GRM7: variants seen among roughly 807,000 people sequenced by gnomAD.
The protein encoded by GRM7 is metabotropic glutamate receptor 7.
A neutral mutation model predicts 84.5 loss-of-function variants in GRM7; 35 were observed. The ratio of observed to expected loss-of-function variants is 0.41; its 90% CI spans 0.32 to 0.55. The LOEUF is 0.55. GRM7 is among the 20% of genes least tolerant of loss of function. The pLI, the probability that GRM7 is intolerant of heterozygous loss-of-function variation, is 0.19. For synonymous variants in GRM7, 487 were observed against 455.1 expected (o/e 1.07, Z -0.89); for missense variants, 1,003 against 1,194.6 (o/e 0.84, Z 2.36).
chr3:7,312,364 G>C (rs1404238092), intron 4 of GRM7, among the ~76,000 whole-genome samples: 1 of 152,054 alleles, frequency 6.6e-6, no homozygotes, highest in Admixed American at 6.6e-5. Context: ...CAGAAGAAGA[G>C]AGCAGTTCCT....
At chr3:7,131,160 A>G (rs1249374916) in intron 1 of GRM7, among the ~76,000 whole-genome samples, 2 of 152,178 alleles carry the variant, frequency 1.3e-5, no homozygotes, top group African/African-American at 2.4e-5. Context: ...TTCTTCCACC[A>G]AGATCTGTGA....
intron 2 of GRM7, among the ~76,000 whole-genome samples, chr3:7,157,048 G>A (rs1347030763): frequency 1.3e-5 from 2 of 152,130 alleles, no homozygotes; most frequent in Non-Finnish European, 2.9e-5. Context: ...TGGACTGGAT[G>A]GGAAAAGAGG....
intron 4 of GRM7, among the ~76,000 whole-genome samples, chr3:7,326,089 A>C (rs1032443330): frequency 1.5e-5 from 2 of 133,298 alleles, no homozygotes; most frequent in Non-Finnish European, 3.1e-5. Flanking sequence ...GATTCTTGGC[A>C]AAGTGAAAAG....
intron 1 of GRM7, among the ~76,000 whole-genome samples, chr3:6,936,760 C>T (rs1490368574): frequency 6.6e-6 from 1 of 152,160 alleles, no homozygotes; most frequent in Non-Finnish European, 1.5e-5. Context: ...TTAATGGCAG[C>T]CTAGTAATCC....
chr3:7,191,049 A>G (rs1243036038), intron 2 of GRM7, among the ~76,000 whole-genome samples: 2 of 152,202 alleles, frequency 1.3e-5, no homozygotes, highest in African/African-American at 4.8e-5. Context: ...ACAGGGGACA[A>G]TAATATCAAT....
chr3:7,245,549 A>G (rs935678652), intron 2 of GRM7, among the ~76,000 whole-genome samples: 5 of 152,076 alleles, frequency 3.3e-5, no homozygotes, highest in African/African-American at 1.2e-4. Flanking sequence ...AAGTAAAAGT[A>G]AAATCATCGA....
intron 7 of GRM7, among the ~76,000 whole-genome samples, chr3:7,536,169 G>A (rs1701235122): frequency 6.6e-6 from 1 of 152,156 alleles, no homozygotes; most frequent in Non-Finnish European, 1.5e-5. Flanking sequence ...TCTGAAGTCT[G>A]CTCCTTTTTA....
chr3:7,418,737 A>C (rs1011645036), intron 5 of GRM7, among the ~76,000 whole-genome samples: 14 of 152,166 alleles, frequency 9.2e-5, no homozygotes, highest in African/African-American at 3.1e-4. Context: ...ATGAAGTGAC[A>C]TCTCTGCAAA....
chr3:7,396,921 A>G (rs1388601813), intron 4 of GRM7, among the ~76,000 whole-genome samples: 1 of 152,086 alleles, frequency 6.6e-6, no homozygotes, highest in African/African-American at 2.4e-5. Flanking sequence ...TATAAATTAT[A>G]AGATATGGGT....
At chr3:7,142,199 GA>G (rs1407505407) in intron 1 of GRM7, among the ~76,000 whole-genome samples, 1 of 151,846 alleles carries the variant, frequency 6.6e-6, no homozygotes, top group African/African-American at 2.4e-5. Context: ...AGGATGGAAG[GA>G]AGGGAAGGGG....
At chr3:6,895,455 A>G (rs886975001) in intron 1 of GRM7, among the ~76,000 whole-genome samples, 4 of 152,186 alleles carry the variant, frequency 2.6e-5, no homozygotes, top group Non-Finnish European at 5.9e-5. Context: ...TGGTAAGAAC[A>G]CTACCAAACT....
chr3:6,965,028 T>C (rs1693460956), intron 1 of GRM7, among the ~76,000 whole-genome samples: 1 of 152,204 alleles, frequency 6.6e-6, no homozygotes, highest in Non-Finnish European at 1.5e-5. Flanking sequence ...TCTGACCAAT[T>C]AACCATTGTG....
At chr3:7,294,488 A>G (rs1654986652) in intron 2 of GRM7, among the ~76,000 whole-genome samples, 1 of 151,626 alleles carries the variant, frequency 6.6e-6, no homozygotes, top group Admixed American at 6.6e-5. Flanking sequence ...TCTCTGTACC[A>G]TTGTGAGCTT....
At chr3:7,479,867 G>A (rs564465743) in intron 7 of GRM7, among the ~76,000 whole-genome samples, 5 of 152,270 alleles carry the variant, frequency 3.3e-5, no homozygotes, top group African/African-American at 1.2e-4. Flanking sequence ...GAAAAAAAAG[G>A]CTGGAAAGAT....
At chr3:7,598,649 A>C (rs2125068612) in intron 8 of GRM7, among the ~76,000 whole-genome samples, 1 of 152,316 alleles carries the variant, frequency 6.6e-6, no homozygotes, top group African/African-American at 2.4e-5. Context: ...TTATAACATT[A>C]ATTTTTTAAA....
rs1272023393 is a variant in GRM7, at chr3:7,579,241, G to A, written c.2335G>A (p.Gly779Ser). 1.2e-6 allele frequency: 2 copies of A among 1,613,420 alleles called. No homozygotes were observed. Among genetic ancestry groups the A allele is most frequent in the African/African-American group, 1.3e-5 (1 of 74,878 alleles). ...TCTVYAIKTRGVPENFNEAKP... is the reference protein window; with the variant it reads ...TCTVYAIKTRSVPENFNEAKP... The stretch of plus-strand genomic sequence containing the variant: ...TACTGTGTATGCCATCAAGACTCGG[G>A]GTGTACCCGAGAATTTTAACGAAGC... The change falls in exon 8 of 10, where the codon GGT becomes AGT. Residue 779 changes from glycine to serine, a missense_variant. This residue lies in a region of GRM7 where 910 missense variants were observed against 1,126.0 expected (regional missense o/e 0.81). Coordinates refer to ENST00000357716, the MANE Select transcript of GRM7 (RefSeq NM_000844.4).
intron 1 of GRM7, among the ~76,000 whole-genome samples, chr3:7,037,309 C>T (rs181279679): frequency 1.2e-4 from 18 of 152,278 alleles, no homozygotes; most frequent in Non-Finnish European, 5.9e-5. Context: ...TTTTAATACA[C>T]TTAATACATT....
intron 2 of GRM7, among the ~76,000 whole-genome samples, chr3:7,182,518 T>C (rs1325982764): frequency 1.8e-4 from 27 of 152,186 alleles, no homozygotes; most frequent in Admixed American, 1.8e-3. Flanking sequence ...AAATAAAAGA[T>C]GAAGTTACAA....
intron 1 of GRM7, among the ~76,000 whole-genome samples, chr3:6,999,636 G>A (rs2124873911): frequency 6.6e-6 from 1 of 152,252 alleles, no homozygotes; most frequent in East Asian, 1.9e-4. Flanking sequence ...GCAGGGCTGG[G>A]GATGCCTCAG....
Sources: allele counts gnomAD v4.1 joint callset (sites outside exome capture counted in the v4.1 genomes callset), GRCh38; gene constraint gnomAD v4.1.1; regional missense constraint gnomAD v4.1.1; transcripts MANE v1.5; gene names NCBI Gene and HGNC (gene_info 2026-07-23, HGNC 2026-07-21).